Variants in RASGRP3 observed in about 807,000 individuals in gnomAD.
RASGRP3 encodes the protein RAS guanyl releasing protein 3.
A neutral mutation model predicts 82.7 loss-of-function variants in RASGRP3; 54 were observed. The observed-to-expected ratio is 0.65, with a 90% confidence interval of 0.52 to 0.82. RASGRP3 has a LOEUF of 0.82. Ranked by LOEUF, RASGRP3 falls within the 40% of genes least tolerant of loss-of-function variation. The probability of loss-of-function intolerance (pLI) is 0.00; values close to 1 mark genes in which losing one functional copy is unlikely to be tolerated. For synonymous variants in RASGRP3, 309 were observed against 300.5 expected, an observed-to-expected ratio of 1.03 and a Z score of -0.29; for missense variants, 861 against 828.9, an observed-to-expected ratio of 1.04 and a Z score of -0.48.
intron 1 of RASGRP3, among the ~76,000 whole-genome samples, chr2:33,442,119 A>C (rs72802080): frequency 0.14 from 20,820 of 152,216 alleles, 1,746 homozygotes; most frequent in Non-Finnish European, 0.19. Context: ...TGAAAAAAGA[A>C]GTAAGAGCTA....
chr2:33,484,525 C>A (rs1168218362), intron 1 of RASGRP3, among the ~76,000 whole-genome samples: 1 of 151,234 alleles, frequency 6.6e-6, no homozygotes, highest in Non-Finnish European at 1.5e-5. Context: ...TGACACGATG[C>A]TTTAGAGATC....
chr2:33,507,456 GGGAT>G (rs1574372415), intron 1 of RASGRP3, among the ~76,000 whole-genome samples: 1 of 152,140 alleles, frequency 6.6e-6, no homozygotes, highest in East Asian at 1.9e-4. Context: ...GGGGAAGGTG[GGGAT>G]CATAGGAAAG....
intron 1 of RASGRP3, among the ~76,000 whole-genome samples, chr2:33,478,851 G>A (rs1667617140): frequency 6.6e-6 from 1 of 152,152 alleles, no homozygotes; most frequent in Non-Finnish European, 1.5e-5. Flanking sequence ...CACTTACTCT[G>A]CCAAATGATG....
chr2:33,539,642 C>G (rs11687777), intron 12 of RASGRP3: 51,706 of 153,154 alleles, frequency 0.34, 9,812 homozygotes, highest in Middle Eastern at 0.52. Flanking sequence ...CACAGCAGCC[C>G]GATGTTACTG....
intron 2 of RASGRP3, among the ~76,000 whole-genome samples, chr2:33,467,071 T>A: frequency 6.6e-6 from 1 of 151,814 alleles, no homozygotes; most frequent in East Asian, 1.9e-4. Context: ...ATACTAACTA[T>A]ATATATATTA....
chr2:33,521,874 T>A, intron 6 of RASGRP3, 81 bp from the exon 7 acceptor site: 1 of 1,497,010 alleles, frequency 6.7e-7, no homozygotes, highest in East Asian at 2.3e-5. Flanking sequence ...AAGCCAAGAG[T>A]TGCAGAGTCA....
chr2:33,500,631 A>G (rs773682169), intron 1 of RASGRP3, among the ~76,000 whole-genome samples: 3 of 152,182 alleles, frequency 2.0e-5, no homozygotes, highest in Non-Finnish European at 4.4e-5. Flanking sequence ...TGGGAGATAT[A>G]GCAGGTTAAA....
chr2:33,479,855 G>A (rs548707125), intron 1 of RASGRP3, among the ~76,000 whole-genome samples: 1 of 152,108 alleles, frequency 6.6e-6, no homozygotes, highest in Non-Finnish European at 1.5e-5. Flanking sequence ...CAAAATTAGG[G>A]TTGGAGATAA....
chr2:33,471,306 G>T lies in RASGRP3; in HGVS notation c.-261+23363G>T, dbSNP rs555682941. 5.2e-5 allele frequency among the ~76,000 whole-genome samples: 6 copies of T among 114,442 alleles called. No homozygotes were observed. In the East Asian group the frequency reaches 1.3e-3, roughly 25 times the overall value. The allele number at this position is 114,442 out of a possible 152,430, so 75.1% of individuals were successfully genotyped here. The stretch of plus-strand genomic sequence containing the variant: ...TCCTCCTGCCTCATCCTCCCAGGTT[G>T]GTAGGACTATAGGCATCTGCCATCA... On this transcript the variant is annotated intron_variant, in intron 2 of 18. Coordinates refer to the RASGRP3 transcript ENST00000402538.
intron 15 of RASGRP3, 88 bp from the exon 16 acceptor site, chr2:33,558,123 G>A (rs940550831): frequency 2.0e-6 from 3 of 1,499,362 alleles, no homozygotes; most frequent in Non-Finnish European, 2.7e-6. Flanking sequence ...GGGTGGGGGA[G>A]GGGAGGGCTG....
chr2:33,536,782 A>C (rs1185447218), intron 11 of RASGRP3, among the ~76,000 whole-genome samples: 1 of 152,072 alleles, frequency 6.6e-6, no homozygotes, highest in Non-Finnish European at 1.5e-5. Flanking sequence ...CCCTTCACTG[A>C]GACTTGCGAC....
chr2:33,559,977 T>C (rs1276874835), intron 17 of RASGRP3, among the ~76,000 whole-genome samples: 2 of 152,204 alleles, frequency 1.3e-5, no homozygotes, highest in Admixed American at 6.5e-5. Flanking sequence ...CCACCCATTA[T>C]CTCTGGTCAT....
At chr2:33,459,158 G>T (rs1056403164) in intron 2 of RASGRP3, among the ~76,000 whole-genome samples, 1 of 151,686 alleles carries the variant, frequency 6.6e-6, no homozygotes, top group African/African-American at 2.4e-5. Flanking sequence ...ATGGAGTCTC[G>T]CTCTGTCGCT....
At chr2:33,471,935 G>A (rs11124320), upstream of RASGRP3, among the ~76,000 whole-genome samples, 1 of 151,894 alleles carries the variant, frequency 6.6e-6, no homozygotes, top group African/African-American at 2.4e-5. Flanking sequence ...CCCCAAGAGC[G>A]TGGGGTCTTT....
intron 1 of RASGRP3, among the ~76,000 whole-genome samples, chr2:33,503,482 A>G (rs1028299183): frequency 6.6e-6 from 1 of 152,224 alleles, no homozygotes; most frequent in Non-Finnish European, 1.5e-5. Flanking sequence ...TTGCTGCAGG[A>G]AAAACATCTG....
At chr2:33,556,108 C>A (rs557976040) in intron 15 of RASGRP3, among the ~76,000 whole-genome samples, 43 of 152,072 alleles carry the variant, frequency 2.8e-4, no homozygotes, top group Non-Finnish European at 5.4e-4. Context: ...ATGCAATATG[C>A]ATGTATACTA....
chr2:33,459,870 C>A (rs1377297989), intron 2 of RASGRP3, among the ~76,000 whole-genome samples: 2 of 152,140 alleles, frequency 1.3e-5, no homozygotes, highest in African/African-American at 4.8e-5. Flanking sequence ...GCCTTGAGTT[C>A]TCTCCAGTTC....
chr2:33,499,990 C>T (rs904439365), intron 1 of RASGRP3, among the ~76,000 whole-genome samples: 1 of 152,078 alleles, frequency 6.6e-6, no homozygotes, highest in Non-Finnish European at 1.5e-5. Flanking sequence ...TAAAGGAAGT[C>T]AGTACACTGA....
chr2:33,516,503 A>C (rs1169191355), intron 3 of RASGRP3, 39 bp from the exon 4 acceptor site: 1 of 1,350,260 alleles, frequency 7.4e-7, no homozygotes, highest in Admixed American at 2.0e-5. Flanking sequence ...AAAGAATAGC[A>C]CTATTATCTC....
Sources: allele counts gnomAD v4.1 joint callset (sites outside exome capture counted in the v4.1 genomes callset), GRCh38; gene constraint gnomAD v4.1.1; transcripts MANE v1.5; gene names NCBI Gene and HGNC (gene_info 2026-07-23, HGNC 2026-07-21).